Variants in SMPD3 observed in about 807,000 individuals in gnomAD.
SMPD3 encodes the protein nSMase-2.
A neutral mutation model predicts 55.7 loss-of-function variants in SMPD3; 21 were observed. That is an observed-to-expected ratio of 0.38 (90% CI 0.27 to 0.54). SMPD3 has a LOEUF of 0.54. Among genes scored for constraint, SMPD3 ranks in the 20% least tolerant of loss-of-function variants. The pLI is 0.80. For missense variants in SMPD3, 842 were observed against 899.6 expected, an observed-to-expected ratio of 0.94 and a Z score of 0.82; for synonymous variants, 457 against 404.3, an observed-to-expected ratio of 1.13 and a Z score of -1.56.
intron 1 of SMPD3, among the ~76,000 whole-genome samples, chr16:68,417,995 C>T (rs1011443515): frequency 1.3e-5 from 2 of 152,198 alleles, no homozygotes; most frequent in African/African-American, 4.8e-5. Context: ...ACAACAAGCA[C>T]ATGCCTGGTA....
At chr16:68,426,991 CTTTTTTTTTTTT>C (rs56214206) in intron 1 of SMPD3, among the ~76,000 whole-genome samples, 1 of 112,122 alleles carries the variant, frequency 8.9e-6, no homozygotes, top group African/African-American at 3.6e-5. Flanking sequence ...TCAGGTCTAT[CTTTTTTTTTTTT>C]TTTTTTTTTT....
chr16:68,368,127 C>T (rs1481082454), intron 3 of SMPD3: 1 of 152,362 alleles, frequency 6.6e-6, no homozygotes, highest in Admixed American at 6.5e-5. Flanking sequence ...CTCTGCTGTC[C>T]TGGTGCTCTG....
intron 1 of SMPD3, among the ~76,000 whole-genome samples, chr16:68,405,634 T>C (rs1174598547): frequency 6.6e-6 from 1 of 151,084 alleles, no homozygotes. Flanking sequence ...GCCCCCATCA[T>C]GGGCCTCACT....
intron 2 of SMPD3, chr16:68,382,241 G>T (rs12598731): frequency 0.49 from 74,373 of 152,224 alleles, 18,727 homozygotes; most frequent in East Asian, 0.78. Context: ...CAGGGTCCAA[G>T]TGAGCCCTGT....
Position 68,404,028 on chromosome 16 carries a change from T to TTTTCTTTC in SMPD3, c.-268-17377_-268-17370dup, listed in dbSNP as rs2090232570. On this transcript the variant is annotated intron_variant, in intron 1 of 8. Transcript: ENST00000219334. The surrounding 1 kb of genome is among the most constrained non-coding windows in gnomAD (Gnocchi z 4.0). ...CTGCCATTGTTTCTCTGTTTTCTTT[T>TTTTCTTTC]TTTCTTTCTTTCTTTATTCTTTGAC... 6.6e-6 allele frequency among the ~76,000 whole-genome samples: 1 copy of TTTTCTTTC among 152,038 alleles called. No homozygotes were observed. Among genetic ancestry groups the TTTTCTTTC allele is most frequent in the African/African-American group, 2.4e-5 (1 of 41,398 alleles).
At chr16:68,361,802 C>A (rs1175914429) in intron 7 of SMPD3, 43 bp from the exon 8 acceptor site, 2 of 1,600,158 alleles carry the variant, frequency 1.2e-6, no homozygotes, top group East Asian at 2.2e-5. Context: ...CATGCCCGCC[C>A]CTGTGGGCCT....
chr16:68,389,224 C>G (rs1205387859), intron 1 of SMPD3, among the ~76,000 whole-genome samples: 1 of 152,176 alleles, frequency 6.6e-6, no homozygotes, highest in Non-Finnish European at 1.5e-5. Flanking sequence ...GAAAGTGGGC[C>G]GTTTACCTAG....
chr16:68,392,001 C>T (rs1232624487), intron 1 of SMPD3, among the ~76,000 whole-genome samples: 1 of 151,978 alleles, frequency 6.6e-6, no homozygotes, highest in African/African-American at 2.4e-5. Context: ...AAGTGGTTCT[C>T]GTGCCTCAGC....
chr16:68,413,595 A>G (rs1158053374), intron 1 of SMPD3, among the ~76,000 whole-genome samples: 4 of 152,246 alleles, frequency 2.6e-5, no homozygotes, highest in Admixed American at 2.6e-4. Flanking sequence ...AGGTCAAACT[A>G]TAAAAAGATA....
chr16:68,370,895 G>A lies in SMPD3; in HGVS notation c.1287C>T (p.Asp429=), dbSNP rs1009192590. 2.5e-6 allele frequency: 4 copies of A among 1,614,010 alleles called. No individual in the cohort carries two copies. The highest frequency in any genetic ancestry group is 1.1e-5 in the South Asian group (1 of 91,044). The change falls in exon 3 of 9, where the codon GAC becomes GAT. Residue 429 remains aspartate (D), a synonymous_variant. Coordinates refer to ENST00000219334, the MANE Select transcript of SMPD3 (RefSeq NM_018667.4). Reference sequence around the variant, plus strand: ...GAGCTCCCTTAGAGGCCAGGGCATCGTCGTTACACTTGTTGGGGTAACAGT... The same window carrying A: ...GAGCTCCCTTAGAGGCCAGGGCATCATCGTTACACTTGTTGGGGTAACAGT... ...AYHCYPNKCN[D]DALASKGALF...
intron 1 of SMPD3, among the ~76,000 whole-genome samples, chr16:68,399,276 T>C (rs1368504792): frequency 6.6e-6 from 1 of 152,158 alleles, no homozygotes; most frequent in African/African-American, 2.4e-5. Flanking sequence ...TTCTGGCTTC[T>C]CCTATTACCT....
intron 2 of SMPD3, among the ~76,000 whole-genome samples, chr16:68,382,663 C>T (rs945551802): frequency 6.6e-6 from 1 of 152,214 alleles, no homozygotes; most frequent in Non-Finnish European, 1.5e-5. Context: ...GGTGGAGCCA[C>T]TTAGGGAATC....
intron 1 of SMPD3, among the ~76,000 whole-genome samples, chr16:68,416,197 C>T (rs527479192): frequency 5.9e-5 from 9 of 152,330 alleles, no homozygotes; most frequent in East Asian, 1.9e-4. Flanking sequence ...TGTGTGCCAG[C>T]GCTTCCTGCT....
At chr16:68,430,186 C>T (rs1956867155) in intron 1 of SMPD3, among the ~76,000 whole-genome samples, 1 of 152,058 alleles carries the variant, frequency 6.6e-6, no homozygotes, top group African/African-American at 2.4e-5. Context: ...CCCTCCCTCC[C>T]CCAGCCACTA....
chr16:68,402,157 A>G (rs73555295), intron 1 of SMPD3, among the ~76,000 whole-genome samples: 1 of 152,308 alleles, frequency 6.6e-6, no homozygotes, highest in Non-Finnish European at 1.5e-5. Context: ...ATAAGGTCTA[A>G]TTCTTAGAAT....
rs1344823499 is a variant in SMPD3, at chr16:68,447,955, G to A, written c.-269+398C>T. On this transcript the variant is annotated intron_variant, in intron 1 of 8. Transcript: ENST00000219334. The surrounding 1 kb of genome is among the most constrained non-coding windows in gnomAD (Gnocchi z 5.1). Reference sequence around the variant, plus strand: ...CACCACCAGACTCCTTTGTAACCTCGAGCAGCCGAAGTGTTGCGGGGAGGG... The same window carrying A: ...CACCACCAGACTCCTTTGTAACCTCAAGCAGCCGAAGTGTTGCGGGGAGGG... 6.6e-6 allele frequency among the ~76,000 whole-genome samples: 1 copy of A among 151,746 alleles called. No individual in the cohort carries two copies. The highest frequency in any genetic ancestry group is 1.5e-5 in the Non-Finnish European group (1 of 67,924).
At chr16:68,370,780 TC>T in intron 3 of SMPD3, 78 bp downstream of exon 3, 1 of 1,556,514 alleles carries the variant, frequency 6.4e-7, no homozygotes. Flanking sequence ...CGATGAGGAC[TC>T]CCCGCTGCAG....
At chr16:68,361,852 T>TGGTTGG in intron 7 of SMPD3, 93 bp from the exon 8 acceptor site, 1 of 891,334 alleles carries the variant, frequency 1.1e-6, no homozygotes. Context: ...CCTCCCAGTG[T>TGGTTGG]GGGAGCGGGT....
chr16:68,398,076 G>A (rs978786861), intron 1 of SMPD3, among the ~76,000 whole-genome samples: 2 of 152,122 alleles, frequency 1.3e-5, no homozygotes, highest in African/African-American at 2.4e-5. Context: ...AGAGGTGGGT[G>A]GGCGTCTGGA....
Sources: gnomAD v4.1 joint callset for allele counts (sites outside exome capture counted in the v4.1 genomes callset) on GRCh38, gnomAD v4.1.1 for gene constraint, Gnocchi (gnomAD v3.1) non-coding constraint, MANE v1.5 for transcripts, NCBI Gene and HGNC (gene_info 2026-07-23, HGNC 2026-07-21) for gene names.